Variants in CREG2 observed in about 807,000 individuals in gnomAD.
The protein encoded by CREG2 is protein CREG2.
In CREG2, 24 loss-of-function variants were observed where a neutral mutation model predicts 26.2. The observed-to-expected ratio is 0.92, with a 90% confidence interval of 0.66 to 1.29. The LOEUF (loss-of-function observed/expected upper bound fraction) is 1.29, where lower values mean the gene tolerates loss of function less well. Among genes scored for constraint, CREG2 ranks in the 50% most tolerant of loss-of-function variants. The pLI, the probability that CREG2 is intolerant of heterozygous loss-of-function variation, is 0.00. For missense variants in CREG2, 366 were observed against 398.6 expected (o/e 0.92, Z 0.70); for synonymous variants, 174 against 169.2 (o/e 1.03, Z -0.22).
At chr2:101,353,043 T>C (rs750673490) in intron 3 of CREG2, among the ~76,000 whole-genome samples, 56 of 152,236 alleles carry the variant, frequency 3.7e-4, no homozygotes, top group Non-Finnish European at 4.0e-4. Flanking sequence ...AATGCTGTTG[T>C]CTGTAGTTAG....
At chr2:101,377,013 T>C (rs980893734) in intron 2 of CREG2, among the ~76,000 whole-genome samples, 1 of 152,340 alleles carries the variant, frequency 6.6e-6, no homozygotes, top group Admixed American at 6.5e-5. Context: ...AGAAGTTCCA[T>C]TTAAAGATTA....
At chr2:101,381,891 A>G (rs995516559) in intron 2 of CREG2, among the ~76,000 whole-genome samples, 1 of 152,172 alleles carries the variant, frequency 6.6e-6, no homozygotes, top group African/African-American at 2.4e-5. Context: ...TTCCCAAGGG[A>G]CTGAAGGAAG....
In CREG2 at chr2:101,355,313, C is replaced by G. The variant is rs759702151; in HGVS notation, c.665G>C (p.Gly222Ala). The G allele has an allele frequency of 5.1e-5, 82 of 1,613,950 alleles. No homozygotes were observed. The highest frequency in any genetic ancestry group is 6.9e-5 in the Non-Finnish European group (82 of 1,179,964). Residue 222 changes from glycine (G) to alanine (A), a missense_variant, in exon 3 of 4, where the codon GGC becomes GCC. Physicochemically the swap from Gly to Ala is moderately conservative, Grantham distance 60 (BLOSUM62 0). Around this residue, in one of 3 missense-constraint regions of CREG2, gnomAD observed 174 missense variants for 178.2 expected, o/e 0.98. Coordinates refer to ENST00000324768, the MANE Select transcript of CREG2 (RefSeq NM_153836.4). ...DPRCVQLTLT[G>A]QMIAVSPEEV... ...TTCTGGAGACACTGCGATCATCTGG[C>G]CAGTGAGCGTTAACTGGACACATCG...
intron 2 of CREG2, among the ~76,000 whole-genome samples, chr2:101,380,456 C>T (rs1206371819): frequency 6.6e-6 from 1 of 152,230 alleles, no homozygotes; most frequent in Non-Finnish European, 1.5e-5. Flanking sequence ...CGCGAAGGCA[C>T]CCCTTTTCCT....
intron 2 of CREG2, among the ~76,000 whole-genome samples, chr2:101,371,272 C>T (rs182418367): frequency 3.9e-5 from 6 of 152,262 alleles, no homozygotes; most frequent in African/African-American, 1.2e-4. Context: ...TGACGCCCTC[C>T]CTGCAGTGCC....
chr2:101,361,377 G>T (rs1684537384), intron 2 of CREG2, among the ~76,000 whole-genome samples: 1 of 152,172 alleles, frequency 6.6e-6, no homozygotes, highest in Non-Finnish European at 1.5e-5. Context: ...ATTTTGGATG[G>T]GAAGATCATC....
intron 1 of CREG2, among the ~76,000 whole-genome samples, 181 bp from the exon 2 acceptor site, chr2:101,383,883 C>T (rs1684922738): frequency 6.6e-6 from 1 of 152,172 alleles, no homozygotes; most frequent in Admixed American, 6.5e-5. Context: ...CCAATTCACT[C>T]CGTGGTGGCT....
rs919348994 is a variant in CREG2 at position 101,346,435 on chromosome 2, G to A, written c.*4488C>T. 8 of 152,122 alleles carry A rather than the reference G, an allele frequency of 5.3e-5. No individual in the cohort carries two copies. Among genetic ancestry groups the A allele is most frequent in the Non-Finnish European group, 2.9e-5 (2 of 68,030 alleles). 9.4% of individuals were successfully genotyped at this position (152,122 alleles called of 1,614,324 possible). On this transcript the variant is annotated 3_prime_UTR_variant, in exon 4 of 4. Transcript: ENST00000324768. ...TATATACACCTATAGCTTACTCAAC[G>A]TGTTTATATCAGAAATTCGAAGATG...
rs1684369413 is a variant in CREG2 at position 101,350,768 on chromosome 2, T to C, written c.*155A>G. The C allele has an allele frequency of 1.4e-6, 1 of 724,438 alleles. No individual in the cohort carries two copies. The highest frequency in any genetic ancestry group is 2.3e-6 in the Non-Finnish European group (1 of 428,270). The allele number at this position is 724,438 out of a possible 1,614,324, so 44.9% of individuals were successfully genotyped here. On this transcript the variant is annotated 3_prime_UTR_variant, in exon 4 of 4. Coordinates refer to ENST00000324768, the MANE Select transcript of CREG2 (RefSeq NM_153836.4). ...GACCACTTTAATCTCAAATCTAGCATAGAGTTCCCTGTTCACCCTCTCTCA... is the reference window on the plus strand; with the variant it reads ...GACCACTTTAATCTCAAATCTAGCACAGAGTTCCCTGTTCACCCTCTCTCA...
chr2:101,363,865 C>T (rs1056196000), intron 2 of CREG2, among the ~76,000 whole-genome samples: 22 of 151,582 alleles, frequency 1.5e-4, no homozygotes, highest in Non-Finnish European at 2.4e-4. Flanking sequence ...CACACACACA[C>T]ACACACACAC....
chr2:101,368,152 G>A (rs1054956514), intron 2 of CREG2, among the ~76,000 whole-genome samples: 4 of 152,204 alleles, frequency 2.6e-5, no homozygotes, highest in African/African-American at 9.6e-5. Flanking sequence ...GCTGGGCATT[G>A]TGGCGTGCAC....
At chr2:101,358,096 C>T (rs182999195) in intron 2 of CREG2, among the ~76,000 whole-genome samples, 1,984 of 152,154 alleles carry the variant, frequency 0.013, 19 homozygotes, top group Non-Finnish European at 0.019. Context: ...CAGGTTCAAG[C>T]GATTCTCCTG....
chr2:101,365,431 G>GCTATC (rs1258739383), intron 2 of CREG2, among the ~76,000 whole-genome samples: 6 of 152,090 alleles, frequency 3.9e-5, no homozygotes, highest in Non-Finnish European at 8.8e-5. Context: ...TCCTAGGGAT[G>GCTATC]CTATCCACAA....
chr2:101,367,302 C>T (rs147514360), intron 2 of CREG2, among the ~76,000 whole-genome samples: 140 of 152,260 alleles, frequency 9.2e-4, no homozygotes, highest in African/African-American at 3.2e-3. Context: ...TCTAGCAAGA[C>T]GGTTCAATGT....
chr2:101,357,270 G>A (rs1022815625), intron 2 of CREG2, among the ~76,000 whole-genome samples: 8 of 152,042 alleles, frequency 5.3e-5, no homozygotes, highest in Non-Finnish European at 1.2e-4. Context: ...TAACCCACCC[G>A]CCTCAGCCTC....
chr2:101,385,214 T>G lies in CREG2; in HGVS notation c.442-1512A>C, dbSNP rs140751559. Among the ~76,000 whole-genome samples the G allele has an allele frequency of 4.1e-4, 62 of 152,314 alleles. No homozygotes were observed. In the East Asian group the frequency reaches 0.011, roughly 28 times the overall value. On this transcript the variant is annotated intron_variant, in intron 1 of 3. Transcript: ENST00000324768. The stretch of plus-strand genomic sequence containing the variant: ...ATTTTTTTGAGACAGAGTCTCACTC[T>G]GTTTGTTGCCCAGGCTGGCATTCAG...
chr2:101,371,812 G>T (rs1327585809), intron 2 of CREG2, among the ~76,000 whole-genome samples: 1 of 152,168 alleles, frequency 6.6e-6, no homozygotes, highest in Non-Finnish European at 1.5e-5. Flanking sequence ...AATGGTATGG[G>T]CTTTTCAGAG....
chr2:101,354,173 G>A (rs1056249842), intron 3 of CREG2, among the ~76,000 whole-genome samples: 5 of 152,096 alleles, frequency 3.3e-5, no homozygotes, highest in African/African-American at 1.2e-4. Flanking sequence ...CTGATCTAGG[G>A]AAGATTTTGG....
intron 2 of CREG2, chr2:101,375,669 G>T (rs562896664): frequency 6.0e-5 from 12 of 201,104 alleles, no homozygotes; most frequent in Non-Finnish European, 1.2e-4. Context: ...ACCTGCTCAC[G>T]TCTAGGCATT....
Sources: allele counts gnomAD v4.1 joint callset (sites outside exome capture counted in the v4.1 genomes callset), GRCh38; gene constraint gnomAD v4.1.1; regional missense constraint gnomAD v4.1.1; transcripts MANE v1.5; gene names NCBI Gene and HGNC (gene_info 2026-07-23, HGNC 2026-07-21).